The following CCDC169 variants were observed in gnomAD, a reference collection of about 807,000 sequenced individuals.
The protein encoded by CCDC169 is coiled-coil domain containing 169.
A neutral mutation model predicts 36.0 loss-of-function variants in CCDC169; 30 were observed. The ratio of observed to expected loss-of-function variants is 0.83; its 90% CI spans 0.62 to 1.13. CCDC169 has a LOEUF of 1.13. Ranked by LOEUF, CCDC169 falls within the 50% of genes most tolerant of loss-of-function variation. The probability of loss-of-function intolerance (pLI) is 0.00; values close to 1 mark genes in which losing one functional copy is unlikely to be tolerated. For missense variants in CCDC169, 245 were observed against 245.9 expected, an observed-to-expected ratio of 1.00 and a Z score of 0.03; for synonymous variants, 85 against 81.5, an observed-to-expected ratio of 1.04 and a Z score of -0.23.
At chr13:36,270,573 C>T (rs1875911770) in intron 4 of CCDC169, among the ~76,000 whole-genome samples, 1 of 152,056 alleles carries the variant, frequency 6.6e-6, no homozygotes, top group South Asian at 2.1e-4. Context: ...AAAAAACAGG[C>T]ACATAGATTA....
At chr13:36,295,954 C>T (rs928529489) in intron 1 of CCDC169, 97 bp from the exon 2 acceptor site, 30 of 667,218 alleles carry the variant, frequency 4.5e-5, no homozygotes, top group Middle Eastern at 4.0e-4. Context: ...GAACAATTTA[C>T]TATGACACAT....
At chr13:36,278,863 C>T (rs1469090440) in intron 4 of CCDC169, among the ~76,000 whole-genome samples, 1 of 152,176 alleles carries the variant, frequency 6.6e-6, no homozygotes, top group African/African-American at 2.4e-5. Flanking sequence ...TGCTTCCAAA[C>T]CACTATCACC....
At chr13:36,294,706 C>T (rs761056561) in intron 2 of CCDC169, among the ~76,000 whole-genome samples, 7 of 152,190 alleles carry the variant, frequency 4.6e-5, no homozygotes, top group Admixed American at 1.3e-4. Flanking sequence ...ATTCCTGTCC[C>T]TCTTAAGGGT....
chr13:36,232,684 C>T (rs1474194431), intron 7 of CCDC169, among the ~76,000 whole-genome samples: 8 of 63,456 alleles, frequency 1.3e-4, no homozygotes, highest in African/African-American at 2.6e-4. Flanking sequence ...GTCCGCAGTC[C>T]GGCCTGGGCG....
intron 2 of CCDC169, among the ~76,000 whole-genome samples, chr13:36,289,267 A>AC (rs1878597559): frequency 6.6e-6 from 1 of 152,226 alleles, no homozygotes. Context: ...GTCTGAGATG[A>AC]CAGCTCTCTC....
At chr13:36,248,787 T>G in intron 6 of CCDC169, 105 bp from the exon 7 acceptor site, 1 of 971,552 alleles carries the variant, frequency 1.0e-6, no homozygotes, top group Non-Finnish European at 1.5e-6. Context: ...CAGGTTCTTT[T>G]GCAGCATGTG....
At chr13:36,230,715 T>C (rs760327245), downstream of CCDC169, 1 of 960,392 alleles carries the variant, frequency 1.0e-6, no homozygotes, top group Non-Finnish European at 1.2e-6. Flanking sequence ...TATTTAAGAT[T>C]GAAGGTTGTT....
At chr13:36,277,324 G>T (rs989938136) in intron 4 of CCDC169, among the ~76,000 whole-genome samples, 2 of 152,038 alleles carry the variant, frequency 1.3e-5, no homozygotes, top group African/African-American at 2.4e-5. Context: ...GGGGTAGGGT[G>T]GGGGAGTGGA....
intron 7 of CCDC169, among the ~76,000 whole-genome samples, chr13:36,246,307 G>GCC (rs1356993186): frequency 6.6e-6 from 1 of 152,198 alleles, no homozygotes; most frequent in East Asian, 1.9e-4. Context: ...AGGCATAAAT[G>GCC]CAAAGGGAAG....
rs1229810707 is a variant in CCDC169, at chr13:36,230,898, ACTAT to A, written c.*291_*294del. On this transcript the variant is annotated 3_prime_UTR_variant, in exon 8 of 8. Coordinates refer to ENST00000239859, the MANE Select transcript of CCDC169 (RefSeq NM_001144981.3). ...AGAAACCAAATAGAATAGCAACGTT[ACTAT>A]CAGAGCAGATCATGGGTATATTATT... 2.5e-5 allele frequency: 26 copies of A among 1,045,098 alleles called. No individual in the cohort carries two copies. Among genetic ancestry groups the A allele is most frequent in the Non-Finnish European group, 2.6e-5 (23 of 869,726 alleles). 64.7% of individuals were successfully genotyped at this position (1,045,098 alleles called of 1,614,324 possible). A position where few individuals can be genotyped will look rare whatever the true frequency, so the allele number is the denominator to read the frequency against.
chr13:36,267,301 T>A (rs758611953), intron 4 of CCDC169: 1 of 152,204 alleles, frequency 6.6e-6, no homozygotes, highest in Non-Finnish European at 1.5e-5. Context: ...AAGAGTCCTA[T>A]CTTCAGCCTC....
intron 7 of CCDC169, among the ~76,000 whole-genome samples, chr13:36,244,200 G>C (rs1872207949): frequency 1.3e-5 from 2 of 152,274 alleles, no homozygotes; most frequent in South Asian, 4.2e-4. Context: ...CCCTTGGCTG[G>C]TATCTGGAAA....
At chr13:36,252,408 TC>T (rs1415819022) in intron 6 of CCDC169, among the ~76,000 whole-genome samples, 1 of 152,192 alleles carries the variant, frequency 6.6e-6, no homozygotes, top group Admixed American at 6.5e-5. Flanking sequence ...TTTCTAAATG[TC>T]CCCCATTAGC....
intron 4 of CCDC169, among the ~76,000 whole-genome samples, chr13:36,266,437 C>T (rs1244378380): frequency 2.6e-5 from 4 of 152,148 alleles, no homozygotes; most frequent in African/African-American, 9.7e-5. Context: ...GGGCACCTAT[C>T]CAGATGTCCT....
chr13:36,283,190 C>T, intron 4 of CCDC169: 1 of 375,676 alleles, frequency 2.7e-6, no homozygotes, highest in Non-Finnish European at 4.7e-6. Flanking sequence ...AGCAAAAACA[C>T]AGTATTTGTC....
chr13:36,281,197 GC>G, intron 4 of CCDC169: 1 of 409,064 alleles, frequency 2.4e-6, no homozygotes, highest in Admixed American at 2.9e-5. Flanking sequence ...CTTAGGGGAA[GC>G]CTGGATTCCT....
intron 6 of CCDC169, among the ~76,000 whole-genome samples, chr13:36,251,351 T>A (rs1257211091): frequency 6.6e-6 from 1 of 150,942 alleles, no homozygotes; most frequent in African/African-American, 2.4e-5. Flanking sequence ...CTATAAAGAT[T>A]AACAATTCAC....
intron 2 of CCDC169, among the ~76,000 whole-genome samples, chr13:36,295,507 A>G (rs1453222808): frequency 1.3e-5 from 2 of 152,236 alleles, no homozygotes; most frequent in African/African-American, 4.8e-5. Flanking sequence ...TAATAAAGAA[A>G]TAATATATTG....
intron 7 of CCDC169, among the ~76,000 whole-genome samples, chr13:36,235,539 C>T (rs937023713): frequency 6.6e-5 from 10 of 151,526 alleles, no homozygotes; most frequent in Non-Finnish European, 1.3e-4. Flanking sequence ...AATGTAAAAA[C>T]CAAAAGCTTT....
Sources: gnomAD v4.1 joint callset for allele counts (sites outside exome capture counted in the v4.1 genomes callset) on GRCh38, gnomAD v4.1.1 for gene constraint, MANE v1.5 for transcripts, NCBI Gene and HGNC (gene_info 2026-07-23, HGNC 2026-07-21) for gene names.